DAAM1: variants seen among roughly 807,000 people sequenced by gnomAD.
The protein encoded by DAAM1 is dishevelled associated activator of morphogenesis 1, also known as disheveled-associated activator of morphogenesis 1.
Under a neutral mutation model 130.0 loss-of-function variants are expected in DAAM1, and 52 were observed. The observed-to-expected ratio is 0.40, with a 90% CI of 0.32 to 0.50. DAAM1 has a LOEUF of 0.50. DAAM1 is among the 20% of genes least tolerant of loss of function. DAAM1 has a pLI of 0.61. For synonymous variants in DAAM1, 452 were observed against 444.5 expected (o/e 1.02, Z -0.21); for missense variants, 1,134 against 1,303.8 (o/e 0.87, Z 2.01).
chr14:59,347,516 A>G, intron 16 of DAAM1, 23 bp from the exon 17 acceptor site: 2 of 1,606,476 alleles, frequency 1.2e-6, no homozygotes, highest in Non-Finnish European at 1.7e-6. Context: ...AATATGGTTA[A>G]TAACAAAATA....
At chr14:59,223,019 G>C (rs1888826638) in intron 1 of DAAM1, among the ~76,000 whole-genome samples, 1 of 152,226 alleles carries the variant, frequency 6.6e-6, no homozygotes. Flanking sequence ...CCACTTTCAG[G>C]TGGTGCCTGC....
intron 1 of DAAM1, among the ~76,000 whole-genome samples, chr14:59,238,317 C>A (rs182689953): frequency 5.7e-4 from 86 of 152,138 alleles, no homozygotes; most frequent in African/African-American, 2.0e-3. Flanking sequence ...TCAAAAAAAA[C>A]GTCTGAGATC....
intron 1 of DAAM1, among the ~76,000 whole-genome samples, chr14:59,255,298 G>A (rs1439725265): frequency 6.6e-6 from 1 of 152,102 alleles, no homozygotes; most frequent in African/African-American, 2.4e-5. Flanking sequence ...CGCCCTTTCC[G>A]TTTCCTGATG....
intron 15 of DAAM1, 116 bp from the exon 16 acceptor site, chr14:59,339,958 C>A: frequency 1.4e-6 from 1 of 705,160 alleles, no homozygotes; most frequent in Non-Finnish European, 2.3e-6. Flanking sequence ...TCAGCCTTGC[C>A]CATGTGTATA....
chr14:59,263,422 T>C lies in DAAM1; in HGVS notation c.-37-19T>C. On this transcript the variant is annotated intron_variant, in intron 1 of 24. Coordinates refer to ENST00000360909, the MANE Select transcript of DAAM1 (RefSeq NM_001270520.2). ...ATCTGTTCCTGTACTCTTAACCATG[T>C]CATATCCTCTTTTTGCAGCGTTTAG... is the stretch of plus-strand genomic sequence containing the variant. 1 of 1,602,216 alleles carries C rather than the reference T, an allele frequency of 6.2e-7. No homozygotes were observed. Among genetic ancestry groups the C allele is most frequent in the Non-Finnish European group, 8.5e-7 (1 of 1,169,996 alleles).
chr14:59,206,339 G>A (rs1322505453), intron 1 of DAAM1, among the ~76,000 whole-genome samples: 1 of 151,828 alleles, frequency 6.6e-6, no homozygotes, highest in Admixed American at 6.6e-5. Flanking sequence ...ACAGTGGTGC[G>A]ATCTCGGCTC....
chr14:59,260,985 A>AGTAGGAAAGACAGAG (rs1882134831), intron 1 of DAAM1, among the ~76,000 whole-genome samples: 1 of 152,200 alleles, frequency 6.6e-6, no homozygotes, highest in Non-Finnish European at 1.5e-5. Context: ...GAAAGACAGA[A>AGTAGGAAAGACAGAG]AAGTTGAGCT....
intron 1 of DAAM1, among the ~76,000 whole-genome samples, chr14:59,201,806 A>G (rs1443675904): frequency 1.3e-5 from 2 of 152,138 alleles, no homozygotes; most frequent in Non-Finnish European, 2.9e-5. Flanking sequence ...AAAAAAAAAA[A>G]AAAAATTCAT....
Position 59,234,143 on chromosome 14 carries a change from A to C in DAAM1, c.-37-29298A>C, listed in dbSNP as rs199653817. Among the ~76,000 whole-genome samples the C allele has an allele frequency of 3.9e-4, 59 of 152,270 alleles. No individual in the cohort carries two copies. The East Asian group carries it at 0.01, about 26-fold the overall frequency. On this transcript the variant is annotated intron_variant, in intron 1 of 24. Coordinates refer to ENST00000360909, the MANE Select transcript of DAAM1 (RefSeq NM_001270520.2). ...TTTTTTGGTTCCATATGAAATTTAA[A>C]GTAGTTTTTTTCTAATTCTGTGAAG...
At chr14:59,200,786 G>A (rs927798628) in intron 1 of DAAM1, among the ~76,000 whole-genome samples, 2 of 152,124 alleles carry the variant, frequency 1.3e-5, no homozygotes, top group Non-Finnish European at 2.9e-5. Context: ...CAGAATGTTC[G>A]CAGTGGATTT....
At chr14:59,273,147 T>C (rs1227888666) in intron 2 of DAAM1, among the ~76,000 whole-genome samples, 2 of 152,220 alleles carry the variant, frequency 1.3e-5, no homozygotes, top group African/African-American at 4.8e-5. Context: ...TAAGTTTCCT[T>C]CTAATCCTCT....
chr14:59,331,078 G>C, intron 13 of DAAM1, 131 bp from the exon 14 acceptor site: 1 of 1,451,206 alleles, frequency 6.9e-7, no homozygotes, highest in Non-Finnish European at 9.2e-7. Context: ...CGACTTTACC[G>C]ATCCTTTAAA....
chr14:59,318,742 G>T (rs1437348781), intron 4 of DAAM1, among the ~76,000 whole-genome samples: 1 of 152,042 alleles, frequency 6.6e-6, no homozygotes. Context: ...TTTCTGTTTT[G>T]AAAGGTTATG....
intron 1 of DAAM1, among the ~76,000 whole-genome samples, chr14:59,261,978 A>G (rs1056604772): frequency 6.6e-6 from 1 of 152,048 alleles, no homozygotes; most frequent in South Asian, 2.1e-4. Context: ...GCCTTGTTCT[A>G]CCACCTTCCC....
rs929172349 is a variant in DAAM1, at chr14:59,325,857, T to G, written c.1057-103T>G. The stretch of plus-strand genomic sequence containing the variant: ...AGCAAACTCAAAGCTCTATTTTGTT[T>G]CCTAAGTGGCAGGATTAGCTTCTGT... On this transcript the variant is annotated intron_variant, in intron 9 of 24. Transcript: ENST00000360909. The G allele has an allele frequency of 2.0e-6, 3 of 1,518,784 alleles. No individual in the cohort carries two copies. The African/African-American group carries it at 4.1e-5, about 21-fold the overall frequency. The allele number at this position is 1,518,784 out of a possible 1,614,324, so 94.1% of individuals were successfully genotyped here. A position where few individuals can be genotyped will look rare whatever the true frequency, so the allele number is the denominator to read the frequency against.
At chr14:59,191,264 C>T (rs1337993388) in intron 1 of DAAM1, among the ~76,000 whole-genome samples, 4 of 152,062 alleles carry the variant, frequency 2.6e-5, no homozygotes, top group Non-Finnish European at 5.9e-5. Context: ...GAAACAGGAT[C>T]AGAAGTTGTC....
At chr14:59,329,135 G>T (rs1392998598) in intron 12 of DAAM1, among the ~76,000 whole-genome samples, 1 of 152,154 alleles carries the variant, frequency 6.6e-6, no homozygotes, top group African/African-American at 2.4e-5. Context: ...CATACATCAG[G>T]ATCATCTAAG....
chr14:59,294,522 G>T (rs1350411916), intron 3 of DAAM1, among the ~76,000 whole-genome samples: 3 of 151,868 alleles, frequency 2.0e-5, no homozygotes, highest in Admixed American at 1.3e-4. Flanking sequence ...TTACCGGACT[G>T]GTTGGTCATC....
rs2295851 is a variant in DAAM1 at position 59,363,794 on chromosome 14, C to T, written c.2826+12C>T. ...AAGCTAAAGACCTGGTAAGTTTCCC[C>T]CTTGTGCACTGAGTGTTGTTTGACC... On this transcript the variant is annotated intron_variant, in intron 23 of 24. Transcript: ENST00000360909. The T allele has an allele frequency of 1.2e-6, 2 of 1,612,952 alleles. No individual in the cohort carries two copies. Among genetic ancestry groups the T allele is most frequent in the South Asian group, 1.1e-5 (1 of 91,038 alleles).
Sources: allele counts gnomAD v4.1 joint callset (sites outside exome capture counted in the v4.1 genomes callset), GRCh38; gene constraint gnomAD v4.1.1; transcripts MANE v1.5; gene names NCBI Gene and HGNC (gene_info 2026-07-23, HGNC 2026-07-21).